RAP1GAP2: variants seen among roughly 807,000 people sequenced by gnomAD.
The protein encoded by RAP1GAP2 is RAP1 GTPase activating protein 2, also known as rap1 GTPase-activating protein 2.
Under a neutral mutation model 95.0 loss-of-function variants are expected in RAP1GAP2, and 27 were observed. The ratio of observed to expected loss-of-function variants is 0.28; its 90% CI spans 0.21 to 0.39. The LOEUF is 0.39. Among genes scored for constraint, RAP1GAP2 ranks in the 10% least tolerant of loss-of-function variants. RAP1GAP2 has a pLI of 1.00. For synonymous variants in RAP1GAP2, 373 were observed against 380.9 expected (o/e 0.98, Z 0.24); for missense variants, 771 against 970.0 (o/e 0.79, Z 2.72).
At chr17:2,975,472 A>T (rs1440245454) in intron 8 of RAP1GAP2, among the ~76,000 whole-genome samples, 2 of 152,242 alleles carry the variant, frequency 1.3e-5, no homozygotes, top group Non-Finnish European at 2.9e-5. Context: ...AATATCAGAC[A>T]AAATAGAATT....
intron 3 of RAP1GAP2, among the ~76,000 whole-genome samples, chr17:2,913,028 A>T (rs1179320993): frequency 3.9e-5 from 6 of 152,110 alleles, no homozygotes; most frequent in Non-Finnish European, 7.4e-5. Context: ...AAATTAAAAA[A>T]TTAGCTGGGC....
intron 2 of RAP1GAP2, among the ~76,000 whole-genome samples, chr17:2,875,109 C>T (rs573867259): frequency 8.5e-5 from 13 of 152,292 alleles, no homozygotes; most frequent in African/African-American, 2.4e-4. Context: ...TCTTGACGCC[C>T]AGGCTAGAGT....
At chr17:2,928,995 A>G (rs2043055350) in intron 3 of RAP1GAP2, among the ~76,000 whole-genome samples, 2 of 152,126 alleles carry the variant, frequency 1.3e-5, no homozygotes, top group African/African-American at 4.8e-5. Flanking sequence ...GCACTTTGGG[A>G]AGCCGAGGCA....
Position 2,909,638 on chromosome 17 carries a change from C to T in RAP1GAP2, c.165+4270C>T, listed in dbSNP as rs12943804. 7.0e-3 allele frequency among the ~76,000 whole-genome samples: 1,065 copies of T among 152,326 alleles called. 6 individuals carry two copies. The highest frequency in any genetic ancestry group is 0.011 in the Non-Finnish European group (728 of 68,024). On this transcript the variant is annotated intron_variant, in intron 3 of 24. Coordinates refer to ENST00000254695, the MANE Select transcript of RAP1GAP2 (RefSeq NM_015085.5). The stretch of plus-strand genomic sequence containing the variant: ...TGTCGGGAGGGGCCTCAGGCAGGCC[C>T]GGAGCAGAGCAGCCTCAGGGAAAGC...
chr17:2,880,592 T>C (rs2073248112), intron 2 of RAP1GAP2, among the ~76,000 whole-genome samples: 1 of 151,944 alleles, frequency 6.6e-6, no homozygotes, highest in African/African-American at 2.4e-5. Flanking sequence ...CAGACCATGT[T>C]CATCATCCAG....
At position 3,027,656 on chromosome 17, in the gene RAP1GAP2, C is replaced by T. The variant is rs538761033; in HGVS notation, c.2107+586C>T. Among the ~76,000 whole-genome samples the T allele has an allele frequency of 2.3e-4, 35 of 151,996 alleles. No homozygotes were observed. The highest frequency in any genetic ancestry group is 5.0e-4 in the Non-Finnish European group (34 of 68,000). ...GGTGAGGATTTTGTTCTGCTAGCGGCCACTGTTGGAGTGTTTGAAGGTTCT... is the reference window on the plus strand; with the variant it reads ...GGTGAGGATTTTGTTCTGCTAGCGGTCACTGTTGGAGTGTTTGAAGGTTCT... On this transcript the variant is annotated intron_variant, in intron 22 of 24. Coordinates refer to ENST00000254695, the MANE Select transcript of RAP1GAP2 (RefSeq NM_015085.5). The surrounding 1 kb of genome is among the most constrained non-coding windows in gnomAD (Gnocchi z 5.2).
At position 2,956,454 on chromosome 17, in the gene RAP1GAP2, A is replaced by G. The variant is rs564231106; in HGVS notation, c.166-1305A>G. 3.3e-5 allele frequency among the ~76,000 whole-genome samples: 5 copies of G among 152,312 alleles called. No individual in the cohort carries two copies. In the South Asian group the frequency reaches 1.0e-3, roughly 32 times the overall value. The stretch of plus-strand genomic sequence containing the variant: ...GAATTCTGGGAGCAGTGGGAGCTCC[A>G]GGCAGTTCTGGCCCATGGGTGCCTG... On this transcript the variant is annotated intron_variant, in intron 3 of 24. Coordinates refer to ENST00000254695, the MANE Select transcript of RAP1GAP2 (RefSeq NM_015085.5).
At chr17:3,006,513 A>AT (rs2046342524) in intron 16 of RAP1GAP2, among the ~76,000 whole-genome samples, 2 of 147,608 alleles carry the variant, frequency 1.4e-5, no homozygotes. Context: ...GGCTCACTGC[A>AT]AGCTCTGCCT....
At chr17:2,794,214 C>T (rs2069006407), upstream of RAP1GAP2, among the ~76,000 whole-genome samples, 1 of 152,110 alleles carries the variant, frequency 6.6e-6, no homozygotes, top group Non-Finnish European at 1.5e-5. Context: ...GCTTTCATCT[C>T]ATGCTTCAGC....
At chr17:2,956,849 C>T (rs961802860) in intron 3 of RAP1GAP2, among the ~76,000 whole-genome samples, 1 of 152,184 alleles carries the variant, frequency 6.6e-6, no homozygotes, top group Admixed American at 6.5e-5. Flanking sequence ...CCCATCTAGG[C>T]TGGGCGTGGT....
chr17:2,768,026 G>GT (rs2068310609), intron 1 of RAP1GAP2, among the ~76,000 whole-genome samples: 1 of 152,126 alleles, frequency 6.6e-6, no homozygotes, highest in Admixed American at 6.6e-5. Context: ...GCCACCGTAC[G>GT]TGGCCAATTT....
intron 18 of RAP1GAP2, 35 bp from the exon 19 acceptor site, chr17:3,020,442 G>T: frequency 6.4e-7 from 1 of 1,560,878 alleles, no homozygotes; most frequent in Admixed American, 1.7e-5. Context: ...CGGTGTTTGG[G>T]CCGGGAGCAC....
chr17:2,919,614 G>A (rs1382754941), intron 3 of RAP1GAP2, among the ~76,000 whole-genome samples: 1 of 152,234 alleles, frequency 6.6e-6, no homozygotes, highest in Admixed American at 6.5e-5. Flanking sequence ...CTTTCAGCCT[G>A]GGTGGCCCAT....
chr17:2,869,550 CTG>C (rs775321454), intron 2 of RAP1GAP2, among the ~76,000 whole-genome samples: 2 of 152,136 alleles, frequency 1.3e-5, no homozygotes, highest in South Asian at 2.1e-4. Context: ...CGCCTGGTCT[CTG>C]TGAATGCTCA....
chr17:2,924,319 A>C (rs1018003105), intron 3 of RAP1GAP2, among the ~76,000 whole-genome samples: 1 of 152,180 alleles, frequency 6.6e-6, no homozygotes, highest in Non-Finnish European at 1.5e-5. Context: ...GCTCAGTTAC[A>C]CGTGGGAATC....
In RAP1GAP2 at chr17:2,870,204, C is replaced by A. The variant is rs551317631; in HGVS notation, c.81-35080C>A. On this transcript the variant is annotated intron_variant, in intron 2 of 24. Coordinates refer to ENST00000254695, the MANE Select transcript of RAP1GAP2 (RefSeq NM_015085.5). This position sits in a 1 kb window ranked among gnomAD's most constrained non-coding sequence, Gnocchi z 4.4. ...GCAATCTCGGCTCACTGTAACCTCC[C>A]TCCCAAGTTCAAGTGATTCTCCTTG... Among the ~76,000 whole-genome samples, 4 of 152,000 alleles carry A rather than the reference C, an allele frequency of 2.6e-5. No homozygotes were observed. In the East Asian group the frequency reaches 7.8e-4, roughly 29 times the overall value.
At chr17:3,020,218 G>T (rs1361695961) in intron 18 of RAP1GAP2, among the ~76,000 whole-genome samples, 3 of 152,216 alleles carry the variant, frequency 2.0e-5, no homozygotes, top group Non-Finnish European at 4.4e-5. Context: ...CTGGCCCTGT[G>T]TTCCTCCAAC....
At chr17:2,782,540 C>T (rs1256948840) in intron 1 of RAP1GAP2, among the ~76,000 whole-genome samples, 1 of 152,190 alleles carries the variant, frequency 6.6e-6, no homozygotes, top group Non-Finnish European at 1.5e-5. Flanking sequence ...AGAGTGGTCT[C>T]TGGGGCTCCG....
intron 2 of RAP1GAP2, among the ~76,000 whole-genome samples, chr17:2,824,263 C>A (rs1367274936): frequency 6.6e-6 from 1 of 150,414 alleles, no homozygotes; most frequent in Non-Finnish European, 1.5e-5. Flanking sequence ...GCCTGGCCAA[C>A]ATGGTGAAAC....
Sources: gnomAD v4.1 joint callset for allele counts (sites outside exome capture counted in the v4.1 genomes callset) on GRCh38, gnomAD v4.1.1 for gene constraint, Gnocchi (gnomAD v3.1) non-coding constraint, MANE v1.5 for transcripts, NCBI Gene and HGNC (gene_info 2026-07-23, HGNC 2026-07-21) for gene names.